HS3ST4: variants seen among roughly 807,000 people sequenced by gnomAD.
HS3ST4 encodes heparan sulfate-glucosamine 3-sulfotransferase 4, also known as heparan sulfate glucosamine 3-O-sulfotransferase 4.
In HS3ST4, 17 loss-of-function variants were observed where a neutral mutation model predicts 29.2. That is an observed-to-expected ratio of 0.58 (90% confidence interval 0.40 to 0.87). The LOEUF (loss-of-function observed/expected upper bound fraction) is 0.87, where lower values mean the gene tolerates loss of function less well. Ranked by LOEUF, HS3ST4 falls within the 40% of genes least tolerant of loss-of-function variation. HS3ST4 has a pLI of 0.00. For synonymous variants in HS3ST4, 314 were observed against 285.7 expected (o/e 1.10, Z -1.00); for missense variants, 627 against 634.5 (o/e 0.99, Z 0.13).
chr16:26,075,692 A>G (rs915004731), intron 1 of HS3ST4, among the ~76,000 whole-genome samples: 1 of 152,190 alleles, frequency 6.6e-6, no homozygotes. Flanking sequence ...GGGTATAAAT[A>G]TGCTTGGAAT....
At chr16:26,010,810 G>A (rs148979857) in intron 1 of HS3ST4, among the ~76,000 whole-genome samples, 105 of 152,280 alleles carry the variant, frequency 6.9e-4, no homozygotes, top group African/African-American at 2.1e-3. Context: ...AAATTATTGC[G>A]ATAACTTATT....
At chr16:25,828,334 C>T (rs1050235550) in intron 1 of HS3ST4, among the ~76,000 whole-genome samples, 16 of 129,716 alleles carry the variant, frequency 1.2e-4, no homozygotes, top group Admixed American at 3.3e-4. Flanking sequence ...CTCTCTCTCT[C>T]TCTCTTTCTC....
chr16:25,922,321 A>G (rs1968362003), intron 1 of HS3ST4, among the ~76,000 whole-genome samples: 1 of 152,196 alleles, frequency 6.6e-6, no homozygotes, highest in South Asian at 2.1e-4. Flanking sequence ...CCCTTAGCAA[A>G]GAGTCCCCAG....
chr16:25,953,707 G>A (rs144652865), intron 1 of HS3ST4, among the ~76,000 whole-genome samples: 4 of 152,296 alleles, frequency 2.6e-5, no homozygotes, highest in Non-Finnish European at 5.9e-5. Flanking sequence ...TATTTGCCAA[G>A]TGGTTCCGGG....
At chr16:25,939,100 G>A (rs1968547647) in intron 1 of HS3ST4, among the ~76,000 whole-genome samples, 1 of 152,036 alleles carries the variant, frequency 6.6e-6, no homozygotes, top group African/African-American at 2.4e-5. Context: ...TTGGCTGGTA[G>A]TTCCTGCATG....
rs146010734 is a variant in HS3ST4, at chr16:26,060,347, T to C, written c.735-75265T>C. On this transcript the variant is annotated intron_variant, in intron 1 of 1. Coordinates refer to ENST00000331351, the MANE Select transcript of HS3ST4 (RefSeq NM_006040.3). ...GGGAAGAACAGTAAGGATACATTAA[T>C]TGAAAGCTTTCCCACCAGATTAACT... Among the ~76,000 whole-genome samples the C allele has an allele frequency of 3.4e-3, 512 of 152,292 alleles. 6 individuals carry two copies. Among genetic ancestry groups the C allele is most frequent in the African/African-American group, 0.012 (490 of 41,568 alleles).
At chr16:25,780,381 C>A (rs771938187) in intron 1 of HS3ST4, among the ~76,000 whole-genome samples, 1 of 152,292 alleles carries the variant, frequency 6.6e-6, no homozygotes, top group South Asian at 2.1e-4. Flanking sequence ...CATAGCTTGA[C>A]AATCTTGTGC....
chr16:25,977,090 G>A (rs748159234), intron 1 of HS3ST4, among the ~76,000 whole-genome samples: 14 of 152,126 alleles, frequency 9.2e-5, no homozygotes, highest in Non-Finnish European at 2.1e-4. Flanking sequence ...TAAGTAAGTT[G>A]ACTGTTATGT....
At chr16:26,099,200 G>T (rs1294615047) in intron 1 of HS3ST4, among the ~76,000 whole-genome samples, 1 of 152,138 alleles carries the variant, frequency 6.6e-6, no homozygotes, top group African/African-American at 2.4e-5. Flanking sequence ...TGCTGCCCAG[G>T]TTGCAGTGCA....
At chr16:25,813,584 C>T (rs541753895) in intron 1 of HS3ST4, among the ~76,000 whole-genome samples, 4 of 152,210 alleles carry the variant, frequency 2.6e-5, no homozygotes, top group East Asian at 3.9e-4. Context: ...GCAGCAACAG[C>T]GAAACTGTCT....
At chr16:25,945,505 C>T (rs886688401) in intron 1 of HS3ST4, among the ~76,000 whole-genome samples, 2 of 151,960 alleles carry the variant, frequency 1.3e-5, no homozygotes, top group African/African-American at 2.4e-5. Flanking sequence ...TTGGTATATT[C>T]TGAGAATAAT....
chr16:25,750,032 C>G (rs1314495017), intron 1 of HS3ST4, among the ~76,000 whole-genome samples: 1 of 152,182 alleles, frequency 6.6e-6, no homozygotes, highest in Non-Finnish European at 1.5e-5. Context: ...GACTAGAGCA[C>G]TATACAAAAA....
chr16:26,018,076 A>C lies in HS3ST4; in HGVS notation c.735-117536A>C, dbSNP rs181659702. ...TGTCTCCAGTAGAGAGCTGATTATC[A>C]CACTGCATCCCATGTCTGTGCTCAC... On this transcript the variant is annotated intron_variant, in intron 1 of 1. Transcript: ENST00000331351. Among the ~76,000 whole-genome samples, 124 of 152,342 alleles carry C rather than the reference A, an allele frequency of 8.1e-4. 1 individual carries two copies. The highest frequency in any genetic ancestry group is 2.8e-4 in the Non-Finnish European group (19 of 68,040).
intron 1 of HS3ST4, among the ~76,000 whole-genome samples, chr16:25,957,528 C>T (rs1968748938): frequency 6.6e-6 from 1 of 152,292 alleles, no homozygotes; most frequent in South Asian, 2.1e-4. Flanking sequence ...AGCAATTCCC[C>T]TTCGTCAGCC....
chr16:25,700,929 T>C (rs1473220325), intron 1 of HS3ST4, among the ~76,000 whole-genome samples: 1 of 152,162 alleles, frequency 6.6e-6, no homozygotes, highest in African/African-American at 2.4e-5. Flanking sequence ...AAGCAACACG[T>C]GAATTAGACA....
chr16:26,120,877 C>T (rs1446097004), intron 1 of HS3ST4, among the ~76,000 whole-genome samples: 1 of 152,174 alleles, frequency 6.6e-6, no homozygotes, highest in Non-Finnish European at 1.5e-5. Context: ...TCACTATTGG[C>T]ACAGGTCCTA....
chr16:26,083,009 AC>A (rs1212344183), intron 1 of HS3ST4, among the ~76,000 whole-genome samples: 1 of 152,256 alleles, frequency 6.6e-6, no homozygotes, highest in Admixed American at 6.5e-5. Flanking sequence ...AGTGCCAAGC[AC>A]ATAGAAAATG....
chr16:25,692,626 GC>G lies in HS3ST4; in HGVS notation c.210del (p.Ala71ProfsTer79). On this transcript the variant is annotated frameshift_variant, in exon 1 of 2. Transcript: ENST00000331351. LOFTEE classifies it high-confidence loss of function. ...CCTCTGGCGCTGCAGGAGTCGCCGG[GC>G]GCCGCCGCCGAGCCCCCGCCGAGCC... ...QFPLALQESP[G>X]AAAEPPPSPP... 1 of 1,370,670 alleles carries G rather than the reference GC, an allele frequency of 7.3e-7. No individual in the cohort carries two copies. The highest frequency in any genetic ancestry group is 1.5e-5 in the South Asian group (1 of 65,470). The allele number at this position is 1,370,670 out of a possible 1,614,324, so 84.9% of individuals were successfully genotyped here.
chr16:25,798,767 G>A (rs569322206), intron 1 of HS3ST4, among the ~76,000 whole-genome samples: 7 of 152,232 alleles, frequency 4.6e-5, no homozygotes, highest in East Asian at 3.9e-4. Flanking sequence ...GGGGCTTCAC[G>A]GCACCCTCAT....
Sources: allele counts gnomAD v4.1 joint callset (sites outside exome capture counted in the v4.1 genomes callset), GRCh38; gene constraint gnomAD v4.1.1; transcripts MANE v1.5; gene names NCBI Gene and HGNC (gene_info 2026-07-23, HGNC 2026-07-21).